Variants in PCDH15 observed in about 807,000 individuals in gnomAD.
PCDH15 encodes the protein protocadherin-15.
A neutral mutation model predicts 178.5 loss-of-function variants in PCDH15; 129 were observed. That is an observed-to-expected ratio of 0.72 (90% CI 0.63 to 0.84). The LOEUF is 0.84. Among genes scored for constraint, PCDH15 ranks in the 40% least tolerant of loss-of-function variants. The probability of loss-of-function intolerance (pLI) is 0.00; values close to 1 mark genes in which losing one functional copy is unlikely to be tolerated. For missense variants in PCDH15, 2,230 were observed against 2,099.9 expected, an observed-to-expected ratio of 1.06 and a Z score of -1.21; for synonymous variants, 800 against 732.0, an observed-to-expected ratio of 1.09 and a Z score of -1.50.
intron 1 of PCDH15, among the ~76,000 whole-genome samples, chr10:54,725,002 C>A (rs1942275241): frequency 6.6e-6 from 1 of 151,166 alleles, no homozygotes; most frequent in African/African-American, 2.4e-5. Flanking sequence ...CTAATGTATA[C>A]CTTACATATA....
In PCDH15 at chr10:54,219,069, T is replaced by C. The variant is rs1289380479; in HGVS notation, c.986-5021A>G. Among the ~76,000 whole-genome samples the C allele has an allele frequency of 1.9e-3, 201 of 104,122 alleles. No individual in the cohort carries two copies. In the Middle Eastern group the frequency reaches 0.051, roughly 26 times the overall value. The allele number at this position is 104,122 out of a possible 152,430, so 68.3% of individuals were successfully genotyped here. ...GAGATCGAGACCATCCTGGCTAACATGGTGAAACCCTGTCTCTACTAAAAA... is the reference window on the plus strand; with the variant it reads ...GAGATCGAGACCATCCTGGCTAACACGGTGAAACCCTGTCTCTACTAAAAA... On this transcript the variant is annotated intron_variant, in intron 9 of 37. Transcript: ENST00000644397.
chr10:55,462,229 A>G (rs1188558007), intron 2 of PCDH15, among the ~76,000 whole-genome samples: 1 of 152,148 alleles, frequency 6.6e-6, no homozygotes, highest in East Asian at 1.9e-4. Flanking sequence ...TCATGTCGTT[A>G]CGATGTATTC....
At chr10:54,247,925 T>C (rs2056130100) in intron 8 of PCDH15, among the ~76,000 whole-genome samples, 1 of 142,528 alleles carries the variant, frequency 7.0e-6, no homozygotes, top group Non-Finnish European at 1.5e-5. Context: ...GATGTGAGGA[T>C]GCATGAAAGA....
chr10:54,777,507 C>A (rs762954192), intron 1 of PCDH15, among the ~76,000 whole-genome samples: 1 of 152,098 alleles, frequency 6.6e-6, no homozygotes, highest in Non-Finnish European at 1.5e-5. Context: ...GGATATGAGG[C>A]GCTCTCATCA....
intron 37 of PCDH15, among the ~76,000 whole-genome samples, chr10:53,807,587 T>G (rs1841278236): frequency 6.6e-6 from 1 of 152,176 alleles, no homozygotes; most frequent in Non-Finnish European, 1.5e-5. Context: ...ATTCTAATTT[T>G]TAATGTATTC....
intron 1 of PCDH15, among the ~76,000 whole-genome samples, chr10:55,228,226 T>A (rs1841109463): frequency 6.6e-6 from 1 of 152,130 alleles, no homozygotes. Context: ...GTAACATCAA[T>A]AAATCACTTA....
At chr10:54,688,447 C>A (rs2095055402) in intron 1 of PCDH15, among the ~76,000 whole-genome samples, 1 of 152,004 alleles carries the variant, frequency 6.6e-6, no homozygotes, top group Non-Finnish European at 1.5e-5. Flanking sequence ...GTATTTTAAC[C>A]ATTCTCACAG....
At chr10:54,427,420 A>G (rs1956421226) in intron 3 of PCDH15, among the ~76,000 whole-genome samples, 1 of 151,418 alleles carries the variant, frequency 6.6e-6, no homozygotes, top group Admixed American at 6.6e-5. Context: ...CTGGGATTAC[A>G]GGCATGCACC....
At position 54,213,681 on chromosome 10, in the gene PCDH15, G is replaced by A. The variant is rs112374945; in HGVS notation, c.1098+255C>T. On this transcript the variant is annotated intron_variant, in intron 10 of 37. Coordinates refer to ENST00000644397, the MANE Select transcript of PCDH15 (RefSeq NM_001384140.1). ...TAATGAATTGTGTAGAATTGTATAC[G>A]CTTGACCAAGGCATTTGTTACATAT... Among the ~76,000 whole-genome samples, 37 of 152,076 alleles carry A rather than the reference G, an allele frequency of 2.4e-4. 1 individual carries two copies. The highest frequency in any genetic ancestry group is 7.5e-4 in the African/African-American group (31 of 41,500).
chr10:54,880,744 C>T (rs1425784599), intron 3 of PCDH15, among the ~76,000 whole-genome samples: 5 of 149,420 alleles, frequency 3.3e-5, no homozygotes, highest in African/African-American at 1.2e-4. Flanking sequence ...TTAAATTATA[C>T]ATTTCCACAT....
At chr10:54,819,809 G>A (rs535749191) in intron 3 of PCDH15, among the ~76,000 whole-genome samples, 2 of 152,100 alleles carry the variant, frequency 1.3e-5, no homozygotes, top group East Asian at 3.9e-4. Flanking sequence ...TTAAGCACTT[G>A]TGAGTAGATC....
chr10:55,555,989 T>A (rs1842083276), intron 2 of PCDH15, among the ~76,000 whole-genome samples: 1 of 152,142 alleles, frequency 6.6e-6, no homozygotes, highest in East Asian at 1.9e-4. Flanking sequence ...ATACTTAATG[T>A]ATTCTAAAAT....
At chr10:54,713,894 A>G (rs1162381012) in intron 1 of PCDH15, among the ~76,000 whole-genome samples, 1 of 152,154 alleles carries the variant, frequency 6.6e-6, no homozygotes, top group Non-Finnish European at 1.5e-5. Flanking sequence ...ACATTGAAGT[A>G]ATATTTTATT....
chr10:55,272,537 A>C (rs1842472278), intron 1 of PCDH15, among the ~76,000 whole-genome samples: 1 of 151,586 alleles, frequency 6.6e-6, no homozygotes, highest in African/African-American at 2.4e-5. Flanking sequence ...ACACACCACC[A>C]CACCCGGCTA....
chr10:53,843,983 T>C (rs745328967), intron 28 of PCDH15, among the ~76,000 whole-genome samples: 16 of 152,070 alleles, frequency 1.1e-4, no homozygotes, highest in Non-Finnish European at 1.6e-4. Flanking sequence ...TTGATAAAAT[T>C]GGTAAAAGTG....
chr10:55,010,126 C>A (rs532248960), intron 2 of PCDH15, among the ~76,000 whole-genome samples: 5 of 152,036 alleles, frequency 3.3e-5, no homozygotes, highest in Admixed American at 1.3e-4. Context: ...AGCAATGGAC[C>A]AATCACTCAT....
chr10:53,963,769 A>C (rs747726998), intron 21 of PCDH15, among the ~76,000 whole-genome samples: 48 of 152,112 alleles, frequency 3.2e-4, no homozygotes, highest in Non-Finnish European at 5.4e-4. Context: ...TAGCCAAATC[A>C]TCATCACATC....
rs571785579 is a variant in PCDH15, at chr10:55,253,880, C to T, written c.-156+65719G>A. 8.6e-5 allele frequency among the ~76,000 whole-genome samples: 13 copies of T among 152,004 alleles called. No homozygotes were observed. The South Asian group carries it at 1.2e-3, about 15-fold the overall frequency. ...CATTGTACACTGCAAAGTAGTCAAC[C>T]GTGAAAACATTCAATGATTAGGTAA... On this transcript the variant is annotated intron_variant, in intron 1 of 5. Coordinates refer to the PCDH15 transcript ENST00000458638.
intron 2 of PCDH15, among the ~76,000 whole-genome samples, chr10:54,633,592 T>G (rs1257133772): frequency 6.6e-6 from 1 of 151,900 alleles, no homozygotes; most frequent in Non-Finnish European, 1.5e-5. Flanking sequence ...AGTGGAGAAT[T>G]TCTGGACACT....
Sources: allele counts gnomAD v4.1 joint callset (sites outside exome capture counted in the v4.1 genomes callset), GRCh38; gene constraint gnomAD v4.1.1; transcripts MANE v1.5; gene names NCBI Gene and HGNC (gene_info 2026-07-23, HGNC 2026-07-21).